Variants in WWC2 observed in about 807,000 individuals in gnomAD.
WWC2 encodes the protein protein WWC2.
A neutral mutation model predicts 138.5 loss-of-function variants in WWC2; 101 were observed. That is an observed-to-expected ratio of 0.73 (90% CI 0.62 to 0.86). WWC2 has a LOEUF of 0.86. Among genes scored for constraint, WWC2 ranks in the 40% least tolerant of loss-of-function variants. The pLI is 0.00. For missense variants in WWC2, 1,420 were observed against 1,419.4 expected (o/e 1.00, Z -0.01); for synonymous variants, 558 against 538.4 (o/e 1.04, Z -0.50).
At chr4:183,260,712 T>C (rs1737295027) in intron 10 of WWC2, among the ~76,000 whole-genome samples, 198 bp from the exon 11 acceptor site, 4 of 152,212 alleles carry the variant, frequency 2.6e-5, no homozygotes. Flanking sequence ...TGAAATCACC[T>C]AACCATGCAT....
intron 1 of WWC2, among the ~76,000 whole-genome samples, chr4:183,166,153 C>T (rs1734121922): frequency 6.6e-6 from 1 of 152,096 alleles, no homozygotes; most frequent in South Asian, 2.1e-4. Flanking sequence ...CTCCCTCCCC[C>T]AGATATAGCC....
chr4:183,304,831 A>T (rs1485753461), intron 21 of WWC2, among the ~76,000 whole-genome samples: 1 of 152,226 alleles, frequency 6.6e-6, no homozygotes, highest in Non-Finnish European at 1.5e-5. Flanking sequence ...TTCACCTAGT[A>T]TATTACGTCT....
Position 183,240,276 on chromosome 4 carries a change from G to A in WWC2, c.602+14G>A. ...AACATTGCAGCAGTGAGTATGAAAA[G>A]ACTGAATCAACTTTAGAATAAGCTC... On this transcript the variant is annotated intron_variant, in intron 5 of 22. Coordinates refer to ENST00000403733, the MANE Select transcript of WWC2 (RefSeq NM_024949.6). 6.5e-7 allele frequency: 1 copy of A among 1,539,600 alleles called. No homozygotes were observed. The highest frequency in any genetic ancestry group is 8.8e-7 in the Non-Finnish European group (1 of 1,142,434).
At chr4:183,268,941 T>C in intron 14 of WWC2, 30 bp from the exon 15 acceptor site, 1 of 1,582,406 alleles carries the variant, frequency 6.3e-7, no homozygotes, top group South Asian at 1.2e-5. Flanking sequence ...AAAGTACCTA[T>C]GAAATCCATT....
chr4:183,243,023 A>G (rs1025769889), intron 5 of WWC2, among the ~76,000 whole-genome samples: 6 of 152,230 alleles, frequency 3.9e-5, no homozygotes, highest in African/African-American at 1.4e-4. Flanking sequence ...GTGAAAGCTG[A>G]GCTGTGTTCT....
intron 6 of WWC2, 130 bp from the exon 7 acceptor site, chr4:183,248,584 G>T: frequency 2.2e-6 from 2 of 899,266 alleles, no homozygotes; most frequent in Non-Finnish European, 3.2e-6. Context: ...ATATAAAATG[G>T]TAAGTACCTA....
intron 4 of WWC2, among the ~76,000 whole-genome samples, chr4:183,233,104 G>T (rs1031212705): frequency 6.7e-6 from 1 of 148,594 alleles, no homozygotes; most frequent in Non-Finnish European, 1.5e-5. Context: ...AGAATTGTTG[G>T]CTCATGTGGT....
intron 1 of WWC2, among the ~76,000 whole-genome samples, chr4:183,116,610 G>A (rs1732418577): frequency 6.6e-6 from 1 of 152,192 alleles, no homozygotes; most frequent in South Asian, 2.1e-4. Flanking sequence ...GGCTTTGGAA[G>A]ATAGAGCCTC....
intron 17 of WWC2, among the ~76,000 whole-genome samples, chr4:183,282,095 G>C (rs1047611188): frequency 2.0e-5 from 3 of 152,164 alleles, no homozygotes; most frequent in African/African-American, 7.2e-5. Context: ...CAAAGTATGA[G>C]ATGTTCTAAA....
At chr4:183,311,424 A>G (rs947488330) in intron 21 of WWC2, among the ~76,000 whole-genome samples, 7 of 152,156 alleles carry the variant, frequency 4.6e-5, no homozygotes, top group African/African-American at 1.7e-4. Context: ...TTCCATCTAT[A>G]CCAAGGACAA....
chr4:183,253,291 T>C (rs1285238715), intron 8 of WWC2, among the ~76,000 whole-genome samples: 1 of 152,182 alleles, frequency 6.6e-6, no homozygotes, highest in Non-Finnish European at 1.5e-5. Context: ...CCCATTTTAC[T>C]AGCGGACAGC....
chr4:183,139,616 T>C (rs539986923), intron 1 of WWC2, among the ~76,000 whole-genome samples: 13 of 152,276 alleles, frequency 8.5e-5, no homozygotes, highest in Admixed American at 3.9e-4. Flanking sequence ...ATGAATATGA[T>C]AGTGTGAGTG....
intron 6 of WWC2, among the ~76,000 whole-genome samples, chr4:183,247,019 AAATT>A (rs1250222013): frequency 1.1e-4 from 17 of 152,222 alleles, no homozygotes; most frequent in Non-Finnish European, 4.4e-5. Context: ...TTCAGTTACT[AAATT>A]ACATTAATTA....
At chr4:183,178,412 A>G (rs1203279299) in intron 1 of WWC2, among the ~76,000 whole-genome samples, 3 of 150,534 alleles carry the variant, frequency 2.0e-5, no homozygotes, top group African/African-American at 7.3e-5. Flanking sequence ...AAATAAATAA[A>G]TAAATAAATT....
intron 14 of WWC2, 147 bp from the exon 15 acceptor site, chr4:183,268,824 C>T (rs1015097921): frequency 3.7e-5 from 33 of 902,744 alleles, no homozygotes; most frequent in Middle Eastern, 3.5e-4. Context: ...CAGCTGAGCA[C>T]GGACCCGTGA....
At chr4:183,241,548 A>G (rs1342386662) in intron 5 of WWC2, among the ~76,000 whole-genome samples, 2 of 152,170 alleles carry the variant, frequency 1.3e-5, no homozygotes, top group East Asian at 3.9e-4. Context: ...CTCCCATCCT[A>G]GTGGTTCTCA....
chr4:183,306,339 T>C (rs1346146912), intron 21 of WWC2, among the ~76,000 whole-genome samples: 1 of 152,164 alleles, frequency 6.6e-6, no homozygotes, highest in African/African-American at 2.4e-5. Context: ...AAACAGTTTG[T>C]CAGAGTTGAT....
intron 21 of WWC2, among the ~76,000 whole-genome samples, chr4:183,299,043 G>A (rs113216410): frequency 5.5e-4 from 84 of 152,202 alleles, no homozygotes; most frequent in African/African-American, 1.9e-3. Context: ...CCACAGACTG[G>A]GTAATTTATA....
chr4:183,304,830 T>G (rs1013175329), intron 21 of WWC2, among the ~76,000 whole-genome samples: 4 of 152,218 alleles, frequency 2.6e-5, no homozygotes, highest in African/African-American at 9.6e-5. Flanking sequence ...TTTCACCTAG[T>G]ATATTACGTC....
Sources: allele counts gnomAD v4.1 joint callset (sites outside exome capture counted in the v4.1 genomes callset), GRCh38; gene constraint gnomAD v4.1.1; transcripts MANE v1.5; gene names NCBI Gene and HGNC (gene_info 2026-07-23, HGNC 2026-07-21).